The following PAIP2B variants were observed in gnomAD, a reference collection of about 807,000 sequenced individuals.
PAIP2B encodes poly(A) binding protein interacting protein 2B, also known as polyadenylate-binding protein-interacting protein 2B.
Under a neutral mutation model 17.0 loss-of-function variants are expected in PAIP2B, and 13 were observed. That is an observed-to-expected ratio of 0.76 (90% CI 0.50 to 1.22). PAIP2B has a LOEUF of 1.22. Ranked by LOEUF, PAIP2B falls within the 50% of genes most tolerant of loss-of-function variation. The pLI, the probability that PAIP2B is intolerant of heterozygous loss-of-function variation, is 0.00. For missense variants in PAIP2B, 117 were observed against 144.5 expected, an observed-to-expected ratio of 0.81 and a Z score of 0.98; for synonymous variants, 43 against 48.7, an observed-to-expected ratio of 0.88 and a Z score of 0.48.
intron 2 of PAIP2B, among the ~76,000 whole-genome samples, chr2:71,191,158 C>A (rs1572920393): frequency 1.3e-5 from 2 of 152,186 alleles, no homozygotes; most frequent in South Asian, 2.1e-4. Flanking sequence ...ATTCACAGCT[C>A]ACTAGCACCA....
chr2:71,188,661 C>T, intron 3 of PAIP2B, 126 bp from the exon 4 acceptor site: 1 of 777,648 alleles, frequency 1.3e-6, no homozygotes, highest in Non-Finnish European at 2.1e-6. Context: ...GTAACTCAGG[C>T]TGTTATTGCT....
intron 2 of PAIP2B, among the ~76,000 whole-genome samples, chr2:71,195,650 T>C (rs1226862567): frequency 6.6e-6 from 1 of 152,176 alleles, no homozygotes; most frequent in Non-Finnish European, 1.5e-5. Flanking sequence ...TCATTAGTTT[T>C]TTTCTTGAGA....
At chr2:71,209,339 G>C (rs895336011) in intron 1 of PAIP2B, among the ~76,000 whole-genome samples, 5 of 152,188 alleles carry the variant, frequency 3.3e-5, no homozygotes, top group African/African-American at 1.2e-4. Context: ...CATAGAAAGG[G>C]TCTAGTGGAG....
chr2:71,198,574 C>T (rs1344105707), intron 2 of PAIP2B, among the ~76,000 whole-genome samples: 2 of 152,044 alleles, frequency 1.3e-5, no homozygotes, highest in Non-Finnish European at 2.9e-5. Flanking sequence ...CGTGAGCCAC[C>T]GCGCCCAGCC....
At chr2:71,213,386 T>C (rs980321991) in intron 1 of PAIP2B, among the ~76,000 whole-genome samples, 1 of 152,014 alleles carries the variant, frequency 6.6e-6, no homozygotes, top group African/African-American at 2.4e-5. Context: ...TCAGGAAGGG[T>C]GCCATTTTGG....
At chr2:71,220,545 T>A (rs113988120) in intron 1 of PAIP2B, among the ~76,000 whole-genome samples, 1,791 of 152,386 alleles carry the variant, frequency 0.012, 16 homozygotes, top group Non-Finnish European at 0.019. Flanking sequence ...ATTTCTGCAA[T>A]ATAAAATGTT....
intron 1 of PAIP2B, among the ~76,000 whole-genome samples, chr2:71,214,053 C>T (rs1392728738): frequency 1.3e-5 from 2 of 152,174 alleles, no homozygotes. Context: ...GATGTCCAGA[C>T]TGGACTTGAA....
At chr2:71,224,896 G>A (rs1215615480) in intron 1 of PAIP2B, among the ~76,000 whole-genome samples, 1 of 152,198 alleles carries the variant, frequency 6.6e-6, no homozygotes, top group African/African-American at 2.4e-5. Flanking sequence ...TTGGTTTTCA[G>A]CTGCAGTCAC....
rs373094604 is a variant in PAIP2B at position 71,188,373 on chromosome 2, G to C, written c.*106C>G. On this transcript the variant is annotated 3_prime_UTR_variant, in exon 4 of 4. Transcript: ENST00000244221. Reference sequence around the variant, plus strand: ...TTGTGAGACCACCACTCCCCTTCCCGCTGTGCACCCCTCGCCCGCCCCATC... The same window carrying C: ...TTGTGAGACCACCACTCCCCTTCCCCCTGTGCACCCCTCGCCCGCCCCATC... The C allele has an allele frequency of 2.4e-6, 2 of 850,488 alleles. No homozygotes were observed. The highest frequency in any genetic ancestry group is 4.3e-5 in the Admixed American group (2 of 46,724). 52.7% of individuals were successfully genotyped at this position (850,488 alleles called of 1,614,324 possible).
At chr2:71,215,773 A>G (rs1284428177) in intron 1 of PAIP2B, among the ~76,000 whole-genome samples, 2 of 152,240 alleles carry the variant, frequency 1.3e-5, no homozygotes, top group Non-Finnish European at 2.9e-5. Context: ...TTCAGCACAG[A>G]TATCTTTGTC....
intron 2 of PAIP2B, among the ~76,000 whole-genome samples, chr2:71,191,007 A>G (rs906262586): frequency 2.0e-5 from 3 of 152,248 alleles, no homozygotes; most frequent in African/African-American, 7.2e-5. Flanking sequence ...AAAGCAATAT[A>G]TATCTAGGAT....
At chr2:71,201,633 G>A (rs1008157233) in intron 2 of PAIP2B, among the ~76,000 whole-genome samples, 1 of 152,092 alleles carries the variant, frequency 6.6e-6, no homozygotes, top group African/African-American at 2.4e-5. Context: ...TGCCCACCTT[G>A]GCCTCCCAAA....
chr2:71,218,411 C>T (rs909094775), intron 1 of PAIP2B, among the ~76,000 whole-genome samples: 8 of 151,350 alleles, frequency 5.3e-5, no homozygotes, highest in Non-Finnish European at 8.8e-5. Context: ...GGCCAATAAG[C>T]ATATTAAAAA....
Position 71,202,562 on chromosome 2 carries a change from A to T in PAIP2B, c.28T>A (p.Ser10Thr). The change falls in exon 2 of 4, where the codon TCA (serine) becomes ACA (threonine). Residue 10 changes from serine to threonine, a missense_variant. Ser to Thr is a moderately conservative substitution (Grantham distance 58, BLOSUM62 1). Transcript: ENST00000244221. The part of the protein sequence containing the change: MNGSNMANT[S>T]PSVKSKEDQG... ...TCCTCTTTGGATTTTACACTCGGTG[A>T]TGTATTTGCCATATTGGATCCATTC... is the stretch of plus-strand genomic sequence containing the variant. 1 of 1,613,630 alleles carries T rather than the reference A, an allele frequency of 6.2e-7. No individual in the cohort carries two copies. The highest frequency in any genetic ancestry group is 8.5e-7 in the Non-Finnish European group (1 of 1,179,658).
intron 1 of PAIP2B, among the ~76,000 whole-genome samples, chr2:71,210,936 C>G (rs1035385582): frequency 1.3e-5 from 2 of 152,106 alleles, no homozygotes; most frequent in Non-Finnish European, 2.9e-5. Flanking sequence ...CAGAAGCATA[C>G]TGAAATAGGA....
intron 1 of PAIP2B, among the ~76,000 whole-genome samples, chr2:71,213,724 A>G (rs1490603073): frequency 6.6e-6 from 1 of 152,212 alleles, no homozygotes; most frequent in Non-Finnish European, 1.5e-5. Flanking sequence ...AGACTTAAGT[A>G]TGAATTGGGA....
At chr2:71,206,769 TACTTAGG>T (rs1173310598) in intron 1 of PAIP2B, among the ~76,000 whole-genome samples, 2 of 152,220 alleles carry the variant, frequency 1.3e-5, no homozygotes, top group Non-Finnish European at 2.9e-5. Flanking sequence ...TTGCTAAGAT[TACTTAGG>T]ACTTTTGACT....
intron 1 of PAIP2B, among the ~76,000 whole-genome samples, chr2:71,218,089 T>C (rs1271400002): frequency 6.6e-6 from 1 of 151,910 alleles, no homozygotes; most frequent in Non-Finnish European, 1.5e-5. Flanking sequence ...CTACTCCTGT[T>C]TACACTAAAA....
Position 71,186,641 on chromosome 2 carries a change from G to C in PAIP2B, c.*1838C>G, listed in dbSNP as rs357781. 29,142 of 152,196 alleles carry C rather than the reference G, an allele frequency of 0.19. 2,976 individuals carry two copies. Among genetic ancestry groups the C allele is most frequent in the South Asian group, 0.27 (1,302 of 4,814 alleles). The allele number at this position is 152,196 out of a possible 1,614,324, so 9.4% of individuals were successfully genotyped here. ...CTTGCAATGCCCTTTCCCTTTTAGAGGAAACAACCCAGCTGAAAGCTGAAG... is the reference window on the plus strand; with the variant it reads ...CTTGCAATGCCCTTTCCCTTTTAGACGAAACAACCCAGCTGAAAGCTGAAG... On this transcript the variant is annotated 3_prime_UTR_variant, in exon 4 of 4. Coordinates refer to ENST00000244221, the MANE Select transcript of PAIP2B (RefSeq NM_020459.1).
Sources: allele counts gnomAD v4.1 joint callset (sites outside exome capture counted in the v4.1 genomes callset), GRCh38; gene constraint gnomAD v4.1.1; transcripts MANE v1.5; gene names NCBI Gene and HGNC (gene_info 2026-07-23, HGNC 2026-07-21).